The following PCDHGA1 variants were observed in gnomAD, a reference collection of about 807,000 sequenced individuals.
The protein encoded by PCDHGA1 is protocadherin gamma subfamily A, 1, also known as protocadherin gamma-A1.
PCDHGA1 carries 32 observed loss-of-function variants against 58.0 expected under a neutral mutation model. That is an observed-to-expected ratio of 0.55 (90% CI 0.42 to 0.74). PCDHGA1 has a LOEUF of 0.74. PCDHGA1 is among the 30% of genes least tolerant of loss of function. The pLI is 0.00. For synonymous variants in PCDHGA1, 498 were observed against 501.1 expected (o/e 0.99, Z 0.08); for missense variants, 1,205 against 1,182.3 (o/e 1.02, Z -0.28).
intron 2 of PCDHGA1, among the ~76,000 whole-genome samples, chr5:141,497,879 G>T (rs62379207): frequency 2.0e-5 from 3 of 152,128 alleles, no homozygotes; most frequent in Admixed American, 6.5e-5. Flanking sequence ...TGAAATAAGC[G>T]TTAGGATCTA....
At chr5:141,351,170 G>A (rs369227522) in intron 1 of PCDHGA1, 4 of 1,614,038 alleles carry the variant, frequency 2.5e-6, no homozygotes, top group Non-Finnish European at 3.4e-6. Flanking sequence ...TGGCACATTG[G>A]ATTTTGAAGA....
chr5:141,451,330 T>C (rs1335156581), intron 1 of PCDHGA1, among the ~76,000 whole-genome samples: 2 of 152,200 alleles, frequency 1.3e-5, no homozygotes, highest in East Asian at 1.9e-4. Context: ...CCTAAGGCTA[T>C]TGTCTTATCT....
chr5:141,331,009 C>T lies in PCDHGA1; in HGVS notation c.325C>T (p.Leu109Phe), dbSNP rs1332547908. Reference sequence around the variant, plus strand: ...GCCGTGTCTCGTGAGTTTTAATATCCTTGTTGAGGATAAAATGAAGCTTTT... The same window carrying T: ...GCCGTGTCTCGTGAGTTTTAATATCTTTGTTGAGGATAAAATGAAGCTTTT... ...SMPCLVSFNI[L>F]VEDKMKLFPV... The change falls in exon 1 of 4, where the codon CTT becomes TTT. Residue 109 changes from leucine (L) to phenylalanine (F), a missense_variant. Physicochemically the swap from Leu to Phe is conservative, Grantham distance 22. Transcript: ENST00000517417. The T allele has an allele frequency of 1.2e-6, 2 of 1,614,002 alleles. No homozygotes were observed. Among genetic ancestry groups the T allele is most frequent in the Non-Finnish European group, 8.5e-7 (1 of 1,180,020 alleles).
At chr5:141,472,849 G>C (rs966051912) in intron 1 of PCDHGA1, among the ~76,000 whole-genome samples, 1 of 151,340 alleles carries the variant, frequency 6.6e-6, no homozygotes, top group East Asian at 2.0e-4. Flanking sequence ...AGCTGGGCAT[G>C]GTGGCACATG....
In PCDHGA1 at chr5:141,341,297, G is replaced by A. The variant is rs1045936400; in HGVS notation, c.2421+8192G>A. 9 of 1,614,124 alleles carry A rather than the reference G, an allele frequency of 5.6e-6. No individual in the cohort carries two copies. In the African/African-American group the frequency reaches 1.1e-4, roughly 19 times the overall value. On this transcript the variant is annotated intron_variant, in intron 1 of 3. Coordinates refer to ENST00000517417, the MANE Select transcript of PCDHGA1 (RefSeq NM_018912.3). ...CCTGATTTTCCCCCAGCCCAACTATGCGGACACGCTCATCAGCCAGGAGAG... is the reference window on the plus strand; with the variant it reads ...CCTGATTTTCCCCCAGCCCAACTATACGGACACGCTCATCAGCCAGGAGAG...
intron 1 of PCDHGA1, chr5:141,384,777 G>A: frequency 1.2e-6 from 2 of 1,613,860 alleles, no homozygotes; most frequent in Non-Finnish European, 1.7e-6. Context: ...CGGGCGAGGT[G>A]CGCACGGCTC....
At chr5:141,409,145 T>G (rs2095231039) in intron 1 of PCDHGA1, 1 of 1,613,884 alleles carries the variant, frequency 6.2e-7, no homozygotes, top group Non-Finnish European at 8.5e-7. Flanking sequence ...TGTAGAAAGG[T>G]ACACCATGGA....
At position 141,410,612 on chromosome 5, in the gene PCDHGA1, C is replaced by CT. The variant is rs748943892; in HGVS notation, c.2421+77508dup. The CT allele has an allele frequency of 5.6e-6, 9 of 1,605,878 alleles. 1 individual carries two copies. The South Asian group carries it at 9.9e-5, about 18-fold the overall frequency. On this transcript the variant is annotated intron_variant, in intron 1 of 3. Transcript: ENST00000517417. ...GGATTTGACTTCACATCCTGAGACT[C>CT]TGACTTCGGTGAGTTTCTCTTTTTT...
chr5:141,415,522 C>T, intron 1 of PCDHGA1: 1 of 1,614,178 alleles, frequency 6.2e-7, no homozygotes, highest in African/African-American at 1.3e-5. Flanking sequence ...TGCGGACACG[C>T]TCATCAGCCA....
chr5:141,365,834 T>C (rs980364147), intron 1 of PCDHGA1: 8 of 1,613,928 alleles, frequency 5.0e-6, no homozygotes, highest in South Asian at 1.1e-5. Flanking sequence ...GGCGCCCTTG[T>C]CCTCCTATGT....
At chr5:141,337,903 C>T (rs1336936517) in intron 1 of PCDHGA1, among the ~76,000 whole-genome samples, 5 of 152,170 alleles carry the variant, frequency 3.3e-5, no homozygotes, top group African/African-American at 1.2e-4. Flanking sequence ...TGGTGAAAAA[C>T]CCCTTCCGGC....
intron 1 of PCDHGA1, chr5:141,414,071 A>C: frequency 6.2e-7 from 1 of 1,606,780 alleles, no homozygotes; most frequent in Non-Finnish European, 8.5e-7. Flanking sequence ...TTCCAACTAA[A>C]CAAATATACT....
intron 1 of PCDHGA1, among the ~76,000 whole-genome samples, chr5:141,381,815 T>A (rs1721316177): frequency 7.0e-6 from 1 of 142,092 alleles, no homozygotes; most frequent in South Asian, 2.2e-4. Flanking sequence ...TTTCTTTCTT[T>A]CTTTCTTCTT....
In PCDHGA1 at chr5:141,340,922, C is replaced by T. The variant is rs922207827; in HGVS notation, c.2421+7817C>T. ...CGTGGTGGCCATCCAGGACCACGGC[C>T]AGCCCCCTCTCTCCGCCACTGTCAC... On this transcript the variant is annotated intron_variant, in intron 1 of 3. Coordinates refer to ENST00000517417, the MANE Select transcript of PCDHGA1 (RefSeq NM_018912.3). 7 of 1,613,690 alleles carry T rather than the reference C, an allele frequency of 4.3e-6. No individual in the cohort carries two copies. In the African/African-American group the frequency reaches 9.3e-5, roughly 22 times the overall value.
chr5:141,418,867 A>T, intron 1 of PCDHGA1: 1 of 1,613,968 alleles, frequency 6.2e-7, no homozygotes, highest in Non-Finnish European at 8.5e-7. Context: ...TAATTGTAGA[A>T]GTTGTAGACG....
At chr5:141,435,665 A>C (rs1029846055) in intron 1 of PCDHGA1, among the ~76,000 whole-genome samples, 2 of 152,206 alleles carry the variant, frequency 1.3e-5, no homozygotes, top group African/African-American at 4.8e-5. Flanking sequence ...CACAGATTCC[A>C]AGTGTTTTCT....
At chr5:141,347,109 TTCCTCCTTCCTTCCTTC>T (rs1325192232) in intron 1 of PCDHGA1, among the ~76,000 whole-genome samples, 1 of 135,622 alleles carries the variant, frequency 7.4e-6, no homozygotes, top group African/African-American at 2.9e-5. Context: ...CTCTCTCTCT[TTCCTCCTTCCTTCCTTC>T]CTCTGTTTCT....
At chr5:141,410,683 A>G (rs775289402) in intron 1 of PCDHGA1, 2 of 1,528,162 alleles carry the variant, frequency 1.3e-6, no homozygotes. Flanking sequence ...TATTTTAGGC[A>G]TACTACTTTA....
Position 141,431,141 on chromosome 5 carries a change from G to T in PCDHGA1, c.2422-63666G>T. 1.2e-6 allele frequency: 2 copies of T among 1,614,212 alleles called. No homozygotes were observed. Among genetic ancestry groups the T allele is most frequent in the South Asian group, 1.1e-5 (1 of 91,084 alleles). On this transcript the variant is annotated intron_variant, in intron 1 of 3. Coordinates refer to ENST00000517417, the MANE Select transcript of PCDHGA1 (RefSeq NM_018912.3). This position sits in a 1 kb window ranked among gnomAD's most constrained non-coding sequence, Gnocchi z 4.8. ...AGAAGTAGAAGTAAGGGACATTAACGACAATGCGCCTTACTTTCGTGAAAG... is the reference window on the plus strand; with the variant it reads ...AGAAGTAGAAGTAAGGGACATTAACTACAATGCGCCTTACTTTCGTGAAAG...
Sources: allele counts gnomAD v4.1 joint callset (sites outside exome capture counted in the v4.1 genomes callset), GRCh38; gene constraint gnomAD v4.1.1; non-coding constraint Gnocchi (gnomAD v3.1); transcripts MANE v1.5; gene names NCBI Gene and HGNC (gene_info 2026-07-23, HGNC 2026-07-21).